The following NRG3 variants were observed in gnomAD, a reference collection of about 807,000 sequenced individuals.
NRG3 encodes the protein neuregulin 3, also known as pro-neuregulin-3, membrane-bound isoform.
Under a neutral mutation model 66.9 loss-of-function variants are expected in NRG3, and 31 were observed. The observed-to-expected ratio is 0.46, with a 90% CI of 0.35 to 0.63. NRG3 has a LOEUF of 0.63. Among genes scored for constraint, NRG3 ranks in the 20% least tolerant of loss-of-function variants. The probability of loss-of-function intolerance (pLI) is 0.00; values close to 1 mark genes in which losing one functional copy is unlikely to be tolerated. For missense variants in NRG3, 910 were observed against 878.9 expected (o/e 1.04, Z -0.45); for synonymous variants, 393 against 359.4 (o/e 1.09, Z -1.06).
intron 3 of NRG3, among the ~76,000 whole-genome samples, chr10:82,823,196 G>A (rs796780300): frequency 9.2e-5 from 14 of 152,260 alleles, no homozygotes; most frequent in African/African-American, 3.4e-4. Context: ...TGTGGAGAGA[G>A]GGCAAGTACG....
intron 2 of NRG3, among the ~76,000 whole-genome samples, chr10:82,705,547 G>A (rs1271915747): frequency 6.6e-6 from 1 of 152,232 alleles, no homozygotes; most frequent in East Asian, 1.9e-4. Context: ...AATCCAAGCT[G>A]CAGGGTCCAC....
intron 4 of NRG3, among the ~76,000 whole-genome samples, chr10:82,914,182 C>T (rs1042009890): frequency 6.6e-6 from 1 of 151,896 alleles, no homozygotes; most frequent in Admixed American, 6.6e-5. Flanking sequence ...CCTACATTAC[C>T]CATCTGTTAT....
intron 2 of NRG3, among the ~76,000 whole-genome samples, chr10:82,405,212 G>A (rs1261589790): frequency 1.3e-5 from 2 of 152,114 alleles, no homozygotes; most frequent in African/African-American, 4.8e-5. Flanking sequence ...TGAAGGTGAT[G>A]TTTGAAGGAA....
At chr10:82,890,772 G>C (rs1051607466) in intron 4 of NRG3, among the ~76,000 whole-genome samples, 1 of 152,194 alleles carries the variant, frequency 6.6e-6, no homozygotes, top group East Asian at 1.9e-4. Context: ...CTTGAATTGC[G>C]TAAGACGTTC....
At chr10:82,883,980 G>T (rs1842511312) in intron 4 of NRG3, among the ~76,000 whole-genome samples, 1 of 151,124 alleles carries the variant, frequency 6.6e-6, no homozygotes, top group Non-Finnish European at 1.5e-5. Flanking sequence ...ACACTTTACA[G>T]AGTGGAGATG....
intron 2 of NRG3, among the ~76,000 whole-genome samples, chr10:82,626,556 C>A (rs1448831340): frequency 6.6e-6 from 1 of 152,080 alleles, no homozygotes; most frequent in East Asian, 1.9e-4. Context: ...AGGATTTCTT[C>A]TCTTGGGGGT....
At chr10:82,382,479 T>C (rs1178853571) in intron 2 of NRG3, among the ~76,000 whole-genome samples, 1 of 152,034 alleles carries the variant, frequency 6.6e-6, no homozygotes, top group African/African-American at 2.4e-5. Flanking sequence ...TTTGTATTTT[T>C]ATTTATATCT....
intron 3 of NRG3, among the ~76,000 whole-genome samples, chr10:82,748,692 G>T (rs908456565): frequency 6.7e-6 from 1 of 150,228 alleles, no homozygotes; most frequent in African/African-American, 2.4e-5. Flanking sequence ...TACTGCCAGG[G>T]ACTGTTCTAA....
intron 1 of NRG3, among the ~76,000 whole-genome samples, chr10:82,000,213 A>T (rs1420051788): frequency 1.3e-5 from 2 of 152,240 alleles, no homozygotes; most frequent in African/African-American, 4.8e-5. Flanking sequence ...ATAAAATTTA[A>T]GTAGCATAGA....
chr10:82,865,866 C>T (rs138828793), intron 4 of NRG3, among the ~76,000 whole-genome samples: 3 of 152,060 alleles, frequency 2.0e-5, no homozygotes, highest in Non-Finnish European at 4.4e-5. Flanking sequence ...CTTCTAAGTC[C>T]CCTTCCTTTT....
At position 82,132,708 on chromosome 10, in the gene NRG3, C is replaced by T. The variant is rs2069019332; in HGVS notation, c.824-226031C>T. Among the ~76,000 whole-genome samples the T allele has an allele frequency of 1.3e-5, 2 of 150,556 alleles. 1 individual carries two copies. Among genetic ancestry groups the T allele is most frequent in the South Asian group, 4.2e-4 (2 of 4,796 alleles). ...GCGGTGAAGCCGTCTGGTCTTGGGC[C>T]TTTCTTTGCTGCGATACTTTTTATT... On this transcript the variant is annotated intron_variant, in intron 1 of 8. Transcript: ENST00000372141.
chr10:82,559,540 T>C (rs1475731636), intron 2 of NRG3, among the ~76,000 whole-genome samples: 1 of 152,154 alleles, frequency 6.6e-6, no homozygotes, highest in Non-Finnish European at 1.5e-5. Context: ...GGTCTTAGTA[T>C]GAACAAGGGT....
At chr10:82,962,363 G>A (rs1021316714) in intron 6 of NRG3, among the ~76,000 whole-genome samples, 37 of 152,196 alleles carry the variant, frequency 2.4e-4, no homozygotes, top group Middle Eastern at 3.4e-3. Flanking sequence ...GAGATCATCC[G>A]TTCTTCTCTC....
intron 8 of NRG3, among the ~76,000 whole-genome samples, chr10:82,979,409 T>G (rs1375237112): frequency 6.6e-6 from 1 of 152,246 alleles, no homozygotes; most frequent in Non-Finnish European, 1.5e-5. Flanking sequence ...AACTGGAAAT[T>G]TGTCTTTGAT....
chr10:82,245,823 A>G (rs1237549664), intron 1 of NRG3, among the ~76,000 whole-genome samples: 1 of 152,166 alleles, frequency 6.6e-6, no homozygotes, highest in Non-Finnish European at 1.5e-5. Context: ...GGAAATCATT[A>G]ATAAAATTCT....
At chr10:81,996,874 T>C (rs2060959557) in intron 1 of NRG3, among the ~76,000 whole-genome samples, 1 of 152,180 alleles carries the variant, frequency 6.6e-6, no homozygotes, top group Non-Finnish European at 1.5e-5. Context: ...TGTGATTTAG[T>C]TGAAACTAAT....
intron 1 of NRG3, among the ~76,000 whole-genome samples, chr10:82,107,153 A>G (rs2067117255): frequency 6.6e-6 from 1 of 152,244 alleles, no homozygotes; most frequent in Non-Finnish European, 1.5e-5. Context: ...TGCTTGCATT[A>G]CACTTACTGG....
At chr10:82,705,004 A>T (rs550083129) in intron 2 of NRG3, among the ~76,000 whole-genome samples, 1 of 152,342 alleles carries the variant, frequency 6.6e-6, no homozygotes, top group South Asian at 2.1e-4. Context: ...AAAAGTAAAA[A>T]TAAATTGATA....
chr10:82,230,074 A>C (rs962157863), intron 1 of NRG3: 1 of 152,330 alleles, frequency 6.6e-6, no homozygotes, highest in South Asian at 2.1e-4. Context: ...GAGAAAAAAA[A>C]TGTTTAAAGT....
Sources: gnomAD v4.1 joint callset for allele counts (sites outside exome capture counted in the v4.1 genomes callset) on GRCh38, gnomAD v4.1.1 for gene constraint, MANE v1.5 for transcripts, NCBI Gene and HGNC (gene_info 2026-07-23, HGNC 2026-07-21) for gene names.